Variants in TRAF5 observed in about 807,000 individuals in gnomAD.
TRAF5 encodes the protein TNF receptor associated factor 5.
TRAF5 carries 48 observed loss-of-function variants against 64.5 expected under a neutral mutation model. That is an observed-to-expected ratio of 0.74 (90% CI 0.59 to 0.95). The LOEUF is 0.95. Among genes scored for constraint, TRAF5 ranks in the 40% least tolerant of loss-of-function variants. The pLI, the probability that TRAF5 is intolerant of heterozygous loss-of-function variation, is 0.00. For synonymous variants in TRAF5, 206 were observed against 240.5 expected (o/e 0.86, Z 1.33); for missense variants, 545 against 662.8 (o/e 0.82, Z 1.95).
rs1418973592 is a variant in TRAF5 at position 211,372,303 on chromosome 1, A to G, written c.1275A>G (p.Thr425=). The change falls in exon 11 of 11, where the codon ACA becomes ACG. Residue 425 remains threonine, a synonymous_variant. Coordinates refer to ENST00000261464, the MANE Select transcript of TRAF5 (RefSeq NM_001033910.3). The part of the protein sequence containing the change: ...MKKREAVDGH[T]VSIFSQSFYT... ...AGAGAGAGGCGGTGGATGGGCACAC[A>G]GTGTCCATCTTCAGCCAGTCCTTCT... 2 of 1,614,150 alleles carry G rather than the reference A, an allele frequency of 1.2e-6. No homozygotes were observed. The highest frequency in any genetic ancestry group is 2.2e-5 in the South Asian group (2 of 91,084).
At chr1:211,337,581 T>C (rs1282661225) in intron 1 of TRAF5, among the ~76,000 whole-genome samples, 1 of 152,056 alleles carries the variant, frequency 6.6e-6, no homozygotes, top group Non-Finnish European at 1.5e-5. Context: ...GAATGGGCTG[T>C]AAAGGAGCAA....
At chr1:211,367,819 A>G (rs772953502) in intron 8 of TRAF5, among the ~76,000 whole-genome samples, 7 of 152,236 alleles carry the variant, frequency 4.6e-5, no homozygotes, top group South Asian at 2.1e-4. Flanking sequence ...TTGTGCATTC[A>G]TTCATAAAAT....
chr1:211,329,883 C>T (rs1448095918), intron 1 of TRAF5, among the ~76,000 whole-genome samples: 1 of 152,186 alleles, frequency 6.6e-6, no homozygotes, highest in Non-Finnish European at 1.5e-5. Flanking sequence ...CTGCCGCTGC[C>T]ACCACCCAGG....
chr1:211,335,438 G>C (rs1263479479), intron 1 of TRAF5, among the ~76,000 whole-genome samples: 6 of 152,198 alleles, frequency 3.9e-5, no homozygotes, highest in Non-Finnish European at 4.4e-5. Context: ...TGCTTGCTCT[G>C]CGTCTGCACC....
At chr1:211,350,327 CT>C (rs373358500) in intron 1 of TRAF5, among the ~76,000 whole-genome samples, 4 of 144,002 alleles carry the variant, frequency 2.8e-5, no homozygotes, top group African/African-American at 7.7e-5. Flanking sequence ...TGATCCCCCC[CT>C]GCCTCAGCCT....
intron 8 of TRAF5, among the ~76,000 whole-genome samples, chr1:211,366,115 T>G (rs1703344452): frequency 6.6e-6 from 1 of 152,216 alleles, no homozygotes; most frequent in Admixed American, 6.5e-5. Flanking sequence ...GGAAAGTTAA[T>G]TATTTTGTTA....
intron 7 of TRAF5, among the ~76,000 whole-genome samples, chr1:211,363,772 TGTG>T (rs1365670736): frequency 1.3e-5 from 2 of 151,928 alleles, no homozygotes; most frequent in Admixed American, 6.6e-5. Flanking sequence ...ATCAGCCAGG[TGTG>T]GTGGCGCACC....
chr1:211,362,700 C>T (rs1401100999), intron 7 of TRAF5, among the ~76,000 whole-genome samples: 1 of 151,986 alleles, frequency 6.6e-6, no homozygotes, highest in Non-Finnish European at 1.5e-5. Flanking sequence ...CGAAAAAACC[C>T]CCCCAACAAC....
chr1:211,327,391 A>T (rs900787765), intron 1 of TRAF5, among the ~76,000 whole-genome samples: 3 of 152,190 alleles, frequency 2.0e-5, no homozygotes, highest in African/African-American at 7.2e-5. Context: ...ATGAAACTTC[A>T]GGATTGCAAG....
chr1:211,370,060 C>T (rs1019838317), intron 9 of TRAF5, among the ~76,000 whole-genome samples: 8 of 152,062 alleles, frequency 5.3e-5, no homozygotes, highest in Admixed American at 1.3e-4. Context: ...AATGTTGGGC[C>T]ATATTAATCA....
chr1:211,340,829 C>G (rs143222427), intron 1 of TRAF5, among the ~76,000 whole-genome samples: 8 of 152,368 alleles, frequency 5.3e-5, no homozygotes, highest in Admixed American at 1.3e-4. Context: ...GCGTGGGCTC[C>G]CAGAGCTGGC....
chr1:211,340,081 G>A (rs897990864), intron 1 of TRAF5, among the ~76,000 whole-genome samples: 39 of 151,682 alleles, frequency 2.6e-4, no homozygotes, highest in Non-Finnish European at 5.3e-4. Flanking sequence ...GCCCGTCTAG[G>A]GTGGTCTCAG....
At chr1:211,330,324 T>C (rs1301478119) in intron 1 of TRAF5, among the ~76,000 whole-genome samples, 1 of 151,576 alleles carries the variant, frequency 6.6e-6, no homozygotes, top group African/African-American at 2.4e-5. Context: ...CTCCATCAAC[T>C]TCCCTCCTTA....
At chr1:211,335,594 A>T (rs1281606605) in intron 1 of TRAF5, among the ~76,000 whole-genome samples, 8 of 152,226 alleles carry the variant, frequency 5.3e-5, no homozygotes, top group Admixed American at 3.9e-4. Flanking sequence ...AGGGCATGTC[A>T]TAAGTGGGGG....
At chr1:211,365,255 C>T (rs75135266) in intron 7 of TRAF5, 121 bp from the exon 8 acceptor site, 3 of 704,450 alleles carry the variant, frequency 4.3e-6, no homozygotes, top group Admixed American at 3.0e-5. Context: ...GAGACTGGTG[C>T]GTGTTTAAAC....
intron 1 of TRAF5, among the ~76,000 whole-genome samples, chr1:211,337,739 G>C (rs960265643): frequency 2.0e-5 from 3 of 152,198 alleles, no homozygotes; most frequent in Admixed American, 6.5e-5. Flanking sequence ...GGTGTTGTGA[G>C]ATGGAGAGTA....
intron 9 of TRAF5, among the ~76,000 whole-genome samples, chr1:211,369,833 T>C (rs554911267): frequency 6.6e-5 from 10 of 152,300 alleles, no homozygotes; most frequent in African/African-American, 1.9e-4. Flanking sequence ...TGTGTGTGTG[T>C]GTGTGCGTGT....
chr1:211,371,445 G>C lies in TRAF5; in HGVS notation c.1074G>C (p.Leu358=), dbSNP rs1703517835. The change falls in exon 10 of 11, where the codon CTG becomes CTC. Residue 358 remains leucine, a synonymous_variant. Coordinates refer to ENST00000261464, the MANE Select transcript of TRAF5 (RefSeq NM_001033910.3). ...AVDTVKQKIT[L]LENNDQRLAV... is the part of the protein sequence containing the mutation. ...ATACAGTGAAACAGAAAATTACCCTGCTAGAAAACAATGATCAAAGATTAG... is the reference window on the plus strand; with the variant it reads ...ATACAGTGAAACAGAAAATTACCCTCCTAGAAAACAATGATCAAAGATTAG... The C allele has an allele frequency of 6.2e-7, 1 of 1,606,548 alleles. No homozygotes were observed. The highest frequency in any genetic ancestry group is 8.5e-7 in the Non-Finnish European group (1 of 1,178,450).
intron 1 of TRAF5, among the ~76,000 whole-genome samples, chr1:211,336,074 T>A (rs527617121): frequency 5.9e-5 from 9 of 152,120 alleles, no homozygotes; most frequent in Non-Finnish European, 8.8e-5. Flanking sequence ...AAAATCAACA[T>A]TGAACAGAGT....
Sources: allele counts gnomAD v4.1 joint callset (sites outside exome capture counted in the v4.1 genomes callset), GRCh38; gene constraint gnomAD v4.1.1; transcripts MANE v1.5; gene names NCBI Gene and HGNC (gene_info 2026-07-23, HGNC 2026-07-21).